The following PTPRQ variants were observed in gnomAD, a reference collection of about 807,000 sequenced individuals.
PTPRQ encodes protein tyrosine phosphatase receptor type Q.
In PTPRQ, 199 loss-of-function variants were observed where a neutral mutation model predicts 246.0. The ratio of observed to expected loss-of-function variants is 0.81; its 90% confidence interval spans 0.72 to 0.91. The LOEUF (loss-of-function observed/expected upper bound fraction) is 0.91. Among genes scored for constraint, PTPRQ ranks in the 40% least tolerant of loss-of-function variants. PTPRQ has a pLI of 0.00. For synonymous variants in PTPRQ, 869 were observed against 853.2 expected (o/e 1.02, Z -0.32); for missense variants, 2,624 against 2,528.4 (o/e 1.04, Z -0.81).
intron 14 of PTPRQ, among the ~76,000 whole-genome samples, chr12:80,501,991 TAAG>T (rs1407516841): frequency 2.0e-5 from 3 of 151,876 alleles, no homozygotes; most frequent in Admixed American, 2.0e-4. Context: ...GGAATTTTGA[TAAG>T]AAGTGGAGAG....
At chr12:80,605,572 T>A (rs79954208) in intron 27 of PTPRQ, among the ~76,000 whole-genome samples, 3,013 of 151,140 alleles carry the variant, frequency 0.02, 102 homozygotes, top group African/African-American at 0.068. Flanking sequence ...TAATTCATAA[T>A]ACAAAATGAG....
intron 17 of PTPRQ, among the ~76,000 whole-genome samples, chr12:80,523,354 T>C (rs1372246014): frequency 3.9e-5 from 6 of 152,066 alleles, no homozygotes; most frequent in Admixed American, 6.6e-5. Context: ...TTTTTTGTGT[T>C]TCTATTTCCT....
chr12:80,500,711 A>G (rs1592587792), intron 14 of PTPRQ, among the ~76,000 whole-genome samples: 1 of 152,130 alleles, frequency 6.6e-6, no homozygotes, highest in East Asian at 1.9e-4. Context: ...TTCATTCACT[A>G]AACAGCTTTT....
chr12:80,549,677 A>C lies in PTPRQ; in HGVS notation c.4228A>C (p.Thr1410Pro), dbSNP rs1167132421. The C allele has an allele frequency of 8.4e-6, 13 of 1,550,960 alleles. No individual in the cohort carries two copies. The highest frequency in any genetic ancestry group is 1.0e-5 in the Non-Finnish European group (12 of 1,146,524). ...TSYVFKVRASTSAGEGDESTC... is the reference protein window; with the variant it reads ...TSYVFKVRASPSAGEGDESTC... ...ATATGTCTTTAAAGTAAGAGCTTCA[A>C]CCTCAGCTGGTGAAGGTGATGAAAG... The change falls in exon 25 of 45, where the codon ACC (threonine) becomes CCC (proline). Residue 1410 changes from threonine (T) to proline (P), a missense_variant. Physicochemically the swap from Thr to Pro is conservative, Grantham distance 38. Transcript: ENST00000644991.
Position 80,542,293 on chromosome 12 carries a change from T to G in PTPRQ, c.3650T>G (p.Phe1217Cys). ...EELSPFTLYS[F>C]FAAARTRKGL... ...CTTTCACCATTTACATTATATAGCT[T>G]TTTTGCTGCCGCAAGAACTAGAAAA... The change falls in exon 22 of 45, where the codon TTT (phenylalanine) becomes TGT (cysteine). Residue 1217 changes from phenylalanine to cysteine, a missense_variant. Coordinates refer to ENST00000644991, the MANE Select transcript of PTPRQ (RefSeq NM_001145026.2). 1.3e-6 allele frequency: 2 copies of G among 1,549,934 alleles called. No individual in the cohort carries two copies. Among genetic ancestry groups the G allele is most frequent in the Non-Finnish European group, 1.7e-6 (2 of 1,146,392 alleles).
chr12:80,493,652 T>C lies in PTPRQ; in HGVS notation c.1540+197T>C, dbSNP rs1167993233. ...GCAGAAGCTGGCCCCTCCTAACCCA[T>C]TTGACCTTCTTCCTGGAGAAAGTAG... On this transcript the variant is annotated intron_variant, in intron 10 of 44. Transcript: ENST00000644991. Among the ~76,000 whole-genome samples, 9 of 151,700 alleles carry C rather than the reference T, an allele frequency of 5.9e-5. 1 individual carries two copies. The highest frequency in any genetic ancestry group is 1.3e-4 in the Non-Finnish European group (9 of 67,910).
chr12:80,594,756 T>A (rs532023549), intron 26 of PTPRQ, among the ~76,000 whole-genome samples: 1 of 151,826 alleles, frequency 6.6e-6, no homozygotes, highest in African/African-American at 2.4e-5. Flanking sequence ...ATTTACCTTC[T>A]AAATATCTCT....
intron 14 of PTPRQ, among the ~76,000 whole-genome samples, chr12:80,500,011 C>A (rs1894748472): frequency 6.6e-6 from 1 of 151,900 alleles, no homozygotes; most frequent in Non-Finnish European, 1.5e-5. Flanking sequence ...TGATTTGGGG[C>A]AACAACCATG....
At chr12:80,486,784 C>T (rs935620527) in intron 9 of PTPRQ, among the ~76,000 whole-genome samples, 1 of 152,100 alleles carries the variant, frequency 6.6e-6, no homozygotes, top group Non-Finnish European at 1.5e-5. Flanking sequence ...TATTAGAAGT[C>T]ACCAGTGACC....
chr12:80,515,301 C>T (rs1895258319), intron 17 of PTPRQ, among the ~76,000 whole-genome samples: 1 of 152,134 alleles, frequency 6.6e-6, no homozygotes, highest in Non-Finnish European at 1.5e-5. Context: ...TAAATGGTAG[C>T]TATCATTGTT....
intron 33 of PTPRQ, among the ~76,000 whole-genome samples, chr12:80,624,102 C>T (rs1370714028): frequency 6.6e-6 from 1 of 152,100 alleles, no homozygotes; most frequent in African/African-American, 2.4e-5. Context: ...CCACTGCCAC[C>T]CCAATCATCT....
At chr12:80,451,074 CAG>C (rs1892750585) in intron 3 of PTPRQ, among the ~76,000 whole-genome samples, 3 of 152,316 alleles carry the variant, frequency 2.0e-5, no homozygotes, top group East Asian at 1.9e-4. Context: ...GTGGTCTATT[CAG>C]AGAGTCAACT....
intron 33 of PTPRQ, among the ~76,000 whole-genome samples, chr12:80,626,509 A>G (rs1373369906): frequency 1.3e-5 from 2 of 152,202 alleles, no homozygotes; most frequent in Non-Finnish European, 1.5e-5. Flanking sequence ...ATATAAACTC[A>G]TGCATCTTCA....
rs1231818655 is a variant in PTPRQ, at chr12:80,480,794, G to A, written c.1187-3639G>A. On this transcript the variant is annotated intron_variant, in intron 8 of 44. Transcript: ENST00000644991. ...TCTAGAAGGAATGAATAAATTCCTC[G>A]ACACATACACTCTCCCAAGACTAAA... 3.9e-5 allele frequency among the ~76,000 whole-genome samples: 6 copies of A among 152,248 alleles called. No individual in the cohort carries two copies. The South Asian group carries it at 8.3e-4, about 21-fold the overall frequency.
chr12:80,482,187 A>T (rs1352270088), intron 8 of PTPRQ, among the ~76,000 whole-genome samples: 1 of 150,750 alleles, frequency 6.6e-6, no homozygotes, highest in African/African-American at 2.4e-5. Context: ...ATATAGATCA[A>T]TGGAACAGAA....
intron 17 of PTPRQ, among the ~76,000 whole-genome samples, chr12:80,520,262 C>T (rs1022074070): frequency 3.9e-5 from 6 of 152,040 alleles, no homozygotes; most frequent in Non-Finnish European, 8.8e-5. Context: ...GTGGCGGTTT[C>T]CCCCATACTG....
chr12:80,535,368 G>T (rs1895955628), intron 19 of PTPRQ, among the ~76,000 whole-genome samples: 1 of 152,010 alleles, frequency 6.6e-6, no homozygotes, highest in Admixed American at 6.6e-5. Context: ...CTAAAGTGCT[G>T]ATGGTATCAT....
chr12:80,605,220 T>C, intron 27 of PTPRQ, 40 bp downstream of exon 27: 1 of 1,527,144 alleles, frequency 6.5e-7, no homozygotes, highest in Non-Finnish European at 8.8e-7. Flanking sequence ...CAGTATAAAA[T>C]GGTTAATAAT....
At chr12:80,632,675 A>G (rs1373227974) in intron 34 of PTPRQ, among the ~76,000 whole-genome samples, 3 of 152,192 alleles carry the variant, frequency 2.0e-5, no homozygotes, top group Non-Finnish European at 2.9e-5. Context: ...TAAGAACTGA[A>G]AGAAGTTGTC....
Sources: gnomAD v4.1 joint callset for allele counts (sites outside exome capture counted in the v4.1 genomes callset) on GRCh38, gnomAD v4.1.1 for gene constraint, MANE v1.5 for transcripts, NCBI Gene and HGNC (gene_info 2026-07-23, HGNC 2026-07-21) for gene names.